TRPM7: variants seen among roughly 807,000 people sequenced by gnomAD.
The protein encoded by TRPM7 is LTRPC ion channel family member 7.
TRPM7 carries 134 observed loss-of-function variants against 229.7 expected under a neutral mutation model. The ratio of observed to expected loss-of-function variants is 0.58; its 90% CI spans 0.51 to 0.67. TRPM7 has a LOEUF of 0.67. Among genes scored for constraint, TRPM7 ranks in the 30% least tolerant of loss-of-function variants. TRPM7 has a pLI of 0.00. For missense variants in TRPM7, 1,901 were observed against 2,210.0 expected, an observed-to-expected ratio of 0.86 and a Z score of 2.80; for synonymous variants, 699 against 715.2, an observed-to-expected ratio of 0.98 and a Z score of 0.36.
At position 50,611,142 on chromosome 15, in the gene TRPM7, G is replaced by A. The variant is rs200106901; in HGVS notation, c.2231C>T (p.Ser744Phe). The stretch of plus-strand genomic sequence containing the variant: ...ATTCAGCCTTCCCATCCACATATCA[G>A]ATAACAACATTTGTGTACAGGTGTG... ...VAHTCTQMLL[S>F]DMWMGRLNMR... The change falls in exon 17 of 39, where the codon TCT becomes TTT. Residue 744 changes from serine to phenylalanine, a missense_variant. This residue lies in a region of TRPM7 where 5 missense variants were observed against 24.6 expected (regional missense o/e 0.20). Coordinates refer to ENST00000646667, the MANE Select transcript of TRPM7 (RefSeq NM_017672.6). 60 of 1,613,814 alleles carry A rather than the reference G, an allele frequency of 3.7e-5. No homozygotes were observed. The highest frequency in any genetic ancestry group is 2.0e-4 in the Admixed American group (12 of 59,998).
intron 19 of TRPM7, 98 bp from the exon 20 acceptor site, chr15:50,607,426 G>T: frequency 1.0e-6 from 1 of 1,002,626 alleles, no homozygotes; most frequent in Non-Finnish European, 1.4e-6. Flanking sequence ...GACATTAAAT[G>T]AACCTCTGTA....
intron 1 of TRPM7, among the ~76,000 whole-genome samples, chr15:50,676,420 A>G (rs1199936190): frequency 6.6e-6 from 1 of 152,104 alleles, no homozygotes; most frequent in East Asian, 1.9e-4. Flanking sequence ...TAAATTCTGG[A>G]CAAAAGATAA....
Position 50,609,975 on chromosome 15 carries a change from A to C in TRPM7, c.2281-14T>G. Reference sequence around the variant, plus strand: ...GCTTAGTATGACCTAAATTTTTAGAAACATAATTTTGCATTTAAAAATTAA... The same window carrying C: ...GCTTAGTATGACCTAAATTTTTAGACACATAATTTTGCATTTAAAAATTAA... On this transcript the variant is annotated splice_polypyrimidine_tract_variant and intron_variant, in intron 17 of 38. Coordinates refer to ENST00000646667, the MANE Select transcript of TRPM7 (RefSeq NM_017672.6). The C allele has an allele frequency of 6.5e-7, 1 of 1,539,248 alleles. No individual in the cohort carries two copies. Among genetic ancestry groups the C allele is most frequent in the Non-Finnish European group, 8.8e-7 (1 of 1,138,382 alleles).
At chr15:50,585,443 C>T (rs2054654015) in intron 28 of TRPM7, among the ~76,000 whole-genome samples, 1 of 152,174 alleles carries the variant, frequency 6.6e-6, no homozygotes, top group Admixed American at 6.6e-5. Context: ...TGTCTTGCTC[C>T]CCATCTTGGG....
chr15:50,604,897 G>C lies in TRPM7; in HGVS notation c.2957C>G (p.Ala986Gly). The change falls in exon 21 of 39, where the codon GCA becomes GGA. Residue 986 changes from alanine (A) to glycine (G), a missense_variant. This residue lies in a region of TRPM7 where 207 missense variants were observed against 241.5 expected (regional missense o/e 0.86). Transcript: ENST00000646667. ...TCCAATCATCATTACATAAGGTCCT[G>C]CCTGTTGATTTACAGCTAGAAAATC... ...LLDFLAVNQQ[A>G]GPYVMMIGKM... The C allele has an allele frequency of 6.2e-7, 1 of 1,609,736 alleles. No homozygotes were observed. The highest frequency in any genetic ancestry group is 8.5e-7 in the Non-Finnish European group (1 of 1,177,494).
At position 50,625,667 on chromosome 15, in the gene TRPM7, C is replaced by T. The variant is rs184618061; in HGVS notation, c.1306-1367G>A. Among the ~76,000 whole-genome samples the T allele has an allele frequency of 2.6e-5, 4 of 152,196 alleles. No individual in the cohort carries two copies. The East Asian group carries it at 7.7e-4, about 29-fold the overall frequency. Reference sequence around the variant, plus strand: ...CTTCCTAACTCAGCCTCCCACAGTACTGGAATTAGAGGCATGAGCCACCAC... The same window carrying T: ...CTTCCTAACTCAGCCTCCCACAGTATTGGAATTAGAGGCATGAGCCACCAC... On this transcript the variant is annotated intron_variant, in intron 11 of 38. Coordinates refer to ENST00000646667, the MANE Select transcript of TRPM7 (RefSeq NM_017672.6).
intron 2 of TRPM7, 46 bp downstream of exon 2, chr15:50,662,921 C>T (rs957878705): frequency 1.5e-6 from 2 of 1,334,152 alleles, no homozygotes; most frequent in African/African-American, 2.9e-5. Flanking sequence ...ATATAATTTA[C>T]ACTAAAATTT....
At chr15:50,599,074 A>G (rs1160741187) in intron 22 of TRPM7, 48 bp downstream of exon 22, 1 of 1,411,532 alleles carries the variant, frequency 7.1e-7, no homozygotes, top group African/African-American at 1.4e-5. Context: ...TATTGGTTTT[A>G]AAACACAAAA....
intron 28 of TRPM7, among the ~76,000 whole-genome samples, chr15:50,585,707 A>G (rs527558713): frequency 1.2e-4 from 18 of 152,352 alleles, no homozygotes; most frequent in African/African-American, 3.8e-4. Context: ...AAGGAAAATG[A>G]AAGTGATGGT....
intron 1 of TRPM7, among the ~76,000 whole-genome samples, chr15:50,668,114 A>C (rs1409098831): frequency 2.0e-5 from 3 of 152,126 alleles, no homozygotes; most frequent in Admixed American, 2.0e-4. Flanking sequence ...TCATGTTTTG[A>C]TCCTCTTCGA....
In TRPM7 at chr15:50,570,920, T is replaced by A. The variant is rs113122498; in HGVS notation, c.5309-765A>T. On this transcript the variant is annotated intron_variant, in intron 36 of 38. Coordinates refer to ENST00000646667, the MANE Select transcript of TRPM7 (RefSeq NM_017672.6). ...ATTTAAGGGAAAAAAACCACACACA[T>A]TAACACATATCACATTTTCTTGCAA... is the stretch of plus-strand genomic sequence containing the variant. Among the ~76,000 whole-genome samples the A allele has an allele frequency of 1.7e-3, 259 of 151,684 alleles. No individual in the cohort carries two copies. In the Middle Eastern group the frequency reaches 0.021, roughly 12 times the overall value.
chr15:50,574,956 G>A lies in TRPM7; in HGVS notation c.4915C>T (p.Leu1639Phe). 1 of 1,614,068 alleles carries A rather than the reference G, an allele frequency of 6.2e-7. No individual in the cohort carries two copies. The highest frequency in any genetic ancestry group is 8.5e-7 in the Non-Finnish European group (1 of 1,179,978). The change falls in exon 34 of 39, where the codon CTC (leucine) becomes TTC (phenylalanine). Residue 1639 changes from leucine (L) to phenylalanine (F), a missense_variant. This residue lies in a region of TRPM7 where 257 missense variants were observed against 352.0 expected (regional missense o/e 0.73). Transcript: ENST00000646667. ...ATAATATAAAGATGCCCTGATTTGA[G>A]GATATCATGTTCTGACCAGGTACAC... Reference protein sequence around the residue: ...VQCTWSEHDILKSGHLYIIKS... With the variant: ...VQCTWSEHDIFKSGHLYIIKS...
At chr15:50,610,817 G>A (rs1363913694) in intron 17 of TRPM7, among the ~76,000 whole-genome samples, 1 of 151,974 alleles carries the variant, frequency 6.6e-6, no homozygotes, top group East Asian at 1.9e-4. Context: ...AAGGCTGCTA[G>A]GGGCCATAAT....
At chr15:50,570,725 C>T (rs1040036994) in intron 36 of TRPM7, among the ~76,000 whole-genome samples, 3 of 147,060 alleles carry the variant, frequency 2.0e-5, no homozygotes, top group Non-Finnish European at 3.0e-5. Context: ...TGGTGGGGGG[C>T]GCCTGTAGTC....
Position 50,592,339 on chromosome 15 carries a change from C to T in TRPM7, c.3896G>A (p.Ser1299Asn), listed in dbSNP as rs1367828606. ...AAGATCACCTTGAGGAAGAGAGGAG[C>T]TAAGTGTATTTACAACACCATGCTT... ...WKKHGVVNTL[S>N]SSLPQGDLES... Residue 1299 changes from serine to asparagine, a missense_variant, in exon 26 of 39, where the codon AGC becomes AAC. By Grantham distance (46) the Ser-to-Asn change is conservative (BLOSUM62 1). This residue lies in a region of TRPM7 where 533 missense variants were observed against 497.1 expected (regional missense o/e 1.07). Coordinates refer to ENST00000646667, the MANE Select transcript of TRPM7 (RefSeq NM_017672.6). 6.2e-7 allele frequency: 1 copy of T among 1,613,924 alleles called. No homozygotes were observed. Among genetic ancestry groups the T allele is most frequent in the African/African-American group, 1.3e-5 (1 of 74,906 alleles).
intron 27 of TRPM7, among the ~76,000 whole-genome samples, chr15:50,588,960 G>C (rs1047919711): frequency 6.6e-6 from 1 of 152,090 alleles, no homozygotes; most frequent in Non-Finnish European, 1.5e-5. Context: ...AAAACTTTTG[G>C]ATCTGGGAAG....
intron 1 of TRPM7, among the ~76,000 whole-genome samples, chr15:50,683,849 A>G (rs576689655): frequency 3.3e-5 from 5 of 152,324 alleles, no homozygotes; most frequent in Admixed American, 3.3e-4. Flanking sequence ...GAGTATTGTC[A>G]AAGTATGAAA....
At chr15:50,629,859 CTT>C (rs33991422) in intron 10 of TRPM7, among the ~76,000 whole-genome samples, 8,702 of 106,116 alleles carry the variant, frequency 0.082, 219 homozygotes, top group South Asian at 0.12. Flanking sequence ...TCTTTTTAAC[CTT>C]TTTTTTTTTT....
chr15:50,664,637 C>G (rs8036588), intron 1 of TRPM7, among the ~76,000 whole-genome samples: 50,009 of 152,074 alleles, frequency 0.33, 10,043 homozygotes, highest in Admixed American at 0.47. Flanking sequence ...AAGATTAACA[C>G]ATTTCCCTCA....
Sources: gnomAD v4.1 joint callset for allele counts (sites outside exome capture counted in the v4.1 genomes callset) on GRCh38, gnomAD v4.1.1 for gene constraint, gnomAD v4.1.1 regional missense constraint, MANE v1.5 for transcripts, NCBI Gene and HGNC (gene_info 2026-07-23, HGNC 2026-07-21) for gene names.